The following COL4A3 variants were observed in gnomAD, a reference collection of about 807,000 sequenced individuals.
COL4A3 encodes the protein collagen alpha-3(IV) chain.
COL4A3 carries 135 observed loss-of-function variants against 217.4 expected under a neutral mutation model. That is an observed-to-expected ratio of 0.62 (90% CI 0.54 to 0.72). The LOEUF is 0.72. COL4A3 is among the 30% of genes least tolerant of loss of function. The probability of loss-of-function intolerance (pLI) is 0.00; values close to 1 mark genes in which losing one functional copy is unlikely to be tolerated. For missense variants in COL4A3, 1,868 were observed against 2,119.9 expected, an observed-to-expected ratio of 0.88 and a Z score of 2.33; for synonymous variants, 690 against 736.3, an observed-to-expected ratio of 0.94 and a Z score of 1.02.
chr2:227,219,351 C>T (rs2067666202), intron 1 of COL4A3, among the ~76,000 whole-genome samples: 1 of 152,150 alleles, frequency 6.6e-6, no homozygotes, highest in Admixed American at 6.6e-5. Context: ...TTTGCTCTGC[C>T]ACCTGGCTCC....
intron 1 of COL4A3, among the ~76,000 whole-genome samples, chr2:227,232,530 A>T (rs1246544017): frequency 6.6e-6 from 1 of 151,882 alleles, no homozygotes; most frequent in Non-Finnish European, 1.5e-5. Flanking sequence ...CCTTTCCAGC[A>T]TTTGTTATTG....
chr2:227,201,915 G>A (rs372880288), intron 1 of COL4A3, among the ~76,000 whole-genome samples: 2 of 152,268 alleles, frequency 1.3e-5, no homozygotes, highest in African/African-American at 4.8e-5. Context: ...ACCATGGAAT[G>A]ATGTATTATT....
chr2:227,304,349 G>GTA lies in COL4A3; in HGVS notation c.4153+208_4153+209dup, dbSNP rs1371356650. On this transcript the variant is annotated intron_variant, in intron 46 of 51. Transcript: ENST00000396578. ...AATCTATTGAAAGCAGTTGTTCATA[G>GTA]TATAACTTGAACAAATACACTTTAG... 2.8e-5 allele frequency: 17 copies of GTA among 616,814 alleles called. No individual in the cohort carries two copies. The African/African-American group carries it at 3.2e-4, about 11-fold the overall frequency. The allele number at this position is 616,814 out of a possible 1,614,324, so 38.2% of individuals were successfully genotyped here. A position where few individuals can be genotyped will look rare whatever the true frequency, so the allele number is the denominator to read the frequency against.
At chr2:227,203,343 G>GTA (rs1159706982) in intron 1 of COL4A3, among the ~76,000 whole-genome samples, 1 of 56,978 alleles carries the variant, frequency 1.8e-5, no homozygotes, top group Non-Finnish European at 3.3e-5. Flanking sequence ...ACATATATGT[G>GTA]TATATATGTG....
intron 23 of COL4A3, among the ~76,000 whole-genome samples, 197 bp downstream of exon 23, chr2:227,267,285 T>C (rs2070958198): frequency 6.6e-6 from 1 of 152,224 alleles, no homozygotes; most frequent in Non-Finnish European, 1.5e-5. Context: ...TATTCCATTT[T>C]AGTTGCTGAC....
At position 227,248,435 on chromosome 2, in the gene COL4A3, T is replaced by A; in HGVS notation, c.469-8T>A. The A allele has an allele frequency of 1.3e-6, 2 of 1,589,962 alleles. No homozygotes were observed. The highest frequency in any genetic ancestry group is 1.7e-6 in the Non-Finnish European group (2 of 1,158,070). On this transcript the variant is annotated splice_polypyrimidine_tract_variant and splice_region_variant and intron_variant, in intron 8 of 51. Coordinates refer to ENST00000396578, the MANE Select transcript of COL4A3 (RefSeq NM_000091.5). ...TGATGATGTTTGATGAACTTCTTCATTTTCAAGGGTGCTCCTGCTAAAGAA... is the reference window on the plus strand; with the variant it reads ...TGATGATGTTTGATGAACTTCTTCAATTTCAAGGGTGCTCCTGCTAAAGAA...
intron 1 of COL4A3, among the ~76,000 whole-genome samples, chr2:227,198,362 C>G (rs1390994365): frequency 6.6e-6 from 1 of 152,098 alleles, no homozygotes; most frequent in Non-Finnish European, 1.5e-5. Context: ...GCCGATTTTC[C>G]AAATTGTAGC....
chr2:227,270,576 G>A (rs761876741), intron 24 of COL4A3, among the ~76,000 whole-genome samples, 194 bp from the exon 25 acceptor site: 8 of 152,072 alleles, frequency 5.3e-5, no homozygotes, highest in Non-Finnish European at 8.8e-5. Context: ...CTATCTAACT[G>A]AATTATTTTT....
intron 3 of COL4A3, among the ~76,000 whole-genome samples, chr2:227,241,501 C>G (rs1218084881): frequency 6.6e-6 from 1 of 151,998 alleles, no homozygotes; most frequent in Non-Finnish European, 1.5e-5. Flanking sequence ...TAAGGAGACC[C>G]AGTTTCTACC....
intron 51 of COL4A3, 127 bp from the exon 52 acceptor site, chr2:227,311,659 T>G (rs2073745861): frequency 3.1e-5 from 27 of 860,344 alleles, no homozygotes; most frequent in Non-Finnish European, 4.7e-5. Flanking sequence ...ATTACAGGCG[T>G]GAGCCACCAC....
At chr2:227,270,432 TATAG>T (rs1477280152) in intron 24 of COL4A3, among the ~76,000 whole-genome samples, 1 of 152,222 alleles carries the variant, frequency 6.6e-6, no homozygotes, top group Non-Finnish European at 1.5e-5. Flanking sequence ...ATCAAAAAGT[TATAG>T]ATAAATATAC....
chr2:227,239,769 A>G (rs764756737), intron 2 of COL4A3, among the ~76,000 whole-genome samples: 1 of 152,064 alleles, frequency 6.6e-6, no homozygotes, highest in African/African-American at 2.4e-5. Context: ...CTTGCACCTG[A>G]CCCTCACTGT....
chr2:227,295,068 AC>A lies in COL4A3; in HGVS notation c.3517+7del. 1 of 1,611,954 alleles carries A rather than the reference AC, an allele frequency of 6.2e-7. No individual in the cohort carries two copies. The highest frequency in any genetic ancestry group is 1.3e-5 in the African/African-American group (1 of 74,960). On this transcript the variant is annotated splice_region_variant and intron_variant, in intron 40 of 51. Transcript: ENST00000396578. ...CGGAGAAAAGGGAGAAACGGGTACA[AC>A]TTGCTCATTATCTTTGATCCGTTAG...
intron 24 of COL4A3, 73 bp downstream of exon 24, chr2:227,270,053 CACTT>C (rs1284794628): frequency 2.5e-5 from 33 of 1,300,472 alleles, no homozygotes; most frequent in African/African-American, 1.6e-4. Flanking sequence ...GGTTGCAACA[CACTT>C]ACCAGTTTGG....
Position 227,251,404 on chromosome 2 carries a change from C to G in COL4A3, c.645+33C>G, listed in dbSNP as rs766792090. 22 of 1,604,970 alleles carry G rather than the reference C, an allele frequency of 1.4e-5. No homozygotes were observed. The East Asian group carries it at 4.5e-4, about 33-fold the overall frequency. The stretch of plus-strand genomic sequence containing the variant: ...ACAGTTCATATGATGTAACAGCTAG[C>G]ACACCCTACTCAATCTCAAAGCCAA... On this transcript the variant is annotated intron_variant, in intron 11 of 51. Coordinates refer to ENST00000396578, the MANE Select transcript of COL4A3 (RefSeq NM_000091.5).
chr2:227,290,580 AAAAT>A (rs2072632160), intron 36 of COL4A3, among the ~76,000 whole-genome samples, 163 bp from the exon 37 acceptor site: 1 of 152,254 alleles, frequency 6.6e-6, no homozygotes, highest in Non-Finnish European at 1.5e-5. Flanking sequence ...GGGTGAGAAC[AAAAT>A]AAATATTGAT....
intron 1 of COL4A3, among the ~76,000 whole-genome samples, chr2:227,193,739 G>A (rs1288938766): frequency 3.1e-5 from 1 of 32,212 alleles, no homozygotes; most frequent in Admixed American, 3.5e-4. Flanking sequence ...GAAGGAGGGA[G>A]GGAGGGAGGG....
In COL4A3 at chr2:227,283,754, T is replaced by C. The variant is rs907624093; in HGVS notation, c.2657-13T>C. 1 of 1,611,390 alleles carries C rather than the reference T, an allele frequency of 6.2e-7. No homozygotes were observed. The highest frequency in any genetic ancestry group is 1.1e-5 in the South Asian group (1 of 91,038). ...TACAACACGTGCTGCTTTGTGTTAA[T>C]TTGTTTCCATAGGTGAAGATGGAGT... is the stretch of plus-strand genomic sequence containing the variant. On this transcript the variant is annotated splice_polypyrimidine_tract_variant and intron_variant, in intron 32 of 51. Transcript: ENST00000396578.
intron 1 of COL4A3, among the ~76,000 whole-genome samples, chr2:227,187,219 C>G (rs1392753613): frequency 6.6e-6 from 1 of 152,172 alleles, no homozygotes; most frequent in African/African-American, 2.4e-5. Flanking sequence ...AATCTGGATT[C>G]CAGCAACCTT....
Sources: gnomAD v4.1 joint callset for allele counts (sites outside exome capture counted in the v4.1 genomes callset) on GRCh38, gnomAD v4.1.1 for gene constraint, MANE v1.5 for transcripts, NCBI Gene and HGNC (gene_info 2026-07-23, HGNC 2026-07-21) for gene names.